NUB1: variants seen among roughly 807,000 people sequenced by gnomAD.
The protein encoded by NUB1 is negative regulator of ubiquitin like proteins 1.
A neutral mutation model predicts 77.1 loss-of-function variants in NUB1; 41 were observed. The observed-to-expected ratio is 0.53, with a 90% confidence interval of 0.41 to 0.69. The LOEUF is 0.69. Among genes scored for constraint, NUB1 ranks in the 30% least tolerant of loss-of-function variants. The pLI, the probability that NUB1 is intolerant of heterozygous loss-of-function variation, is 0.00. For missense variants in NUB1, 643 were observed against 743.8 expected (o/e 0.86, Z 1.58); for synonymous variants, 257 against 281.0 (o/e 0.91, Z 0.85).
Position 151,367,133 on chromosome 7 carries a change from C to A in NUB1, c.987+8C>A. The A allele has an allele frequency of 6.2e-7, 1 of 1,604,532 alleles. No homozygotes were observed. The highest frequency in any genetic ancestry group is 8.5e-7 in the Non-Finnish European group (1 of 1,173,332). On this transcript the variant is annotated splice_region_variant and intron_variant, in intron 9 of 14. Coordinates refer to ENST00000568733, the MANE Select transcript of NUB1 (RefSeq NM_001243351.2). ...AGACTGGTCCACATAAAAGTATGTT[C>A]CTGGAATTCATCTTATGTCTCGTTG... is the stretch of plus-strand genomic sequence containing the variant.
intron 5 of NUB1, among the ~76,000 whole-genome samples, chr7:151,353,516 C>A (rs992484331): frequency 2.0e-5 from 3 of 152,170 alleles, no homozygotes; most frequent in African/African-American, 7.2e-5. Flanking sequence ...GGCCCCACAA[C>A]AAAGACTTGT....
At chr7:151,364,415 C>T (rs1181115490) in intron 8 of NUB1, among the ~76,000 whole-genome samples, 1 of 125,488 alleles carries the variant, frequency 8.0e-6, no homozygotes, top group African/African-American at 2.9e-5. Context: ...AGCGAGACTC[C>T]GTCTCAAAAA....
chr7:151,367,667 T>C (rs1316223810), intron 9 of NUB1, among the ~76,000 whole-genome samples, 194 bp from the exon 10 acceptor site: 1 of 152,200 alleles, frequency 6.6e-6, no homozygotes, highest in Non-Finnish European at 1.5e-5. Flanking sequence ...CTGTGTGGCA[T>C]GAGGAATGTT....
chr7:151,344,718 A>G (rs1796397750), intron 1 of NUB1, among the ~76,000 whole-genome samples: 1 of 150,574 alleles, frequency 6.6e-6, no homozygotes, highest in Non-Finnish European at 1.5e-5. Flanking sequence ...TAGCCAAAGT[A>G]TGAGAGAATT....
chr7:151,355,044 G>C (rs919343038), intron 5 of NUB1, among the ~76,000 whole-genome samples: 2 of 140,772 alleles, frequency 1.4e-5, no homozygotes, highest in African/African-American at 4.9e-5. Flanking sequence ...ACGCCCTGCT[G>C]GTCTTTGCTT....
rs972771972 is a variant in NUB1, at chr7:151,359,634, G to A, written c.694-507G>A. ...CTCTACTAAAAATACGAAATTAGCC[G>A]GGCATGGTGGCTCATGCCTGTAGTC... is the stretch of plus-strand genomic sequence containing the variant. On this transcript the variant is annotated intron_variant, in intron 7 of 14. Transcript: ENST00000568733. 6.6e-5 allele frequency among the ~76,000 whole-genome samples: 10 copies of A among 150,666 alleles called. 1 individual carries two copies. The highest frequency in any genetic ancestry group is 6.6e-4 in the Admixed American group (10 of 15,196).
At chr7:151,351,315 C>A in intron 3 of NUB1, 109 bp from the exon 4 acceptor site, 1 of 828,328 alleles carries the variant, frequency 1.2e-6, no homozygotes, top group Non-Finnish European at 2.0e-6. Flanking sequence ...TAGTTTTTAA[C>A]AGTGAACTCA....
chr7:151,374,944 G>A (rs1042173606), intron 12 of NUB1, among the ~76,000 whole-genome samples: 1 of 151,582 alleles, frequency 6.6e-6, no homozygotes, highest in African/African-American at 2.4e-5. Flanking sequence ...CAGCAGTCCA[G>A]ACAGATGCTG....
intron 1 of NUB1, among the ~76,000 whole-genome samples, 167 bp from the exon 2 acceptor site, chr7:151,345,181 T>A (rs1306638224): frequency 1.3e-5 from 2 of 151,778 alleles, no homozygotes; most frequent in Non-Finnish European, 2.9e-5. Flanking sequence ...TATATTTCTA[T>A]ATATATTTTT....
chr7:151,349,885 G>A (rs867490242), intron 3 of NUB1, among the ~76,000 whole-genome samples: 2 of 152,122 alleles, frequency 1.3e-5, no homozygotes, highest in Non-Finnish European at 2.9e-5. Flanking sequence ...AGTTGGGCCC[G>A]GAGGACCACT....
chr7:151,376,517 A>T, intron 13 of NUB1, 117 bp from the exon 14 acceptor site: 1 of 950,668 alleles, frequency 1.1e-6, no homozygotes, highest in Non-Finnish European at 1.5e-6. Context: ...ACAAAGGGCC[A>T]TGGTGCACAC....
At chr7:151,359,897 T>C (rs1797289803) in intron 7 of NUB1, among the ~76,000 whole-genome samples, 1 of 152,234 alleles carries the variant, frequency 6.6e-6, no homozygotes, top group African/African-American at 2.4e-5. Context: ...AATAAACTAA[T>C]GAAAGCAAAG....
At chr7:151,371,915 C>T (rs1797977514) in intron 11 of NUB1, among the ~76,000 whole-genome samples, 1 of 152,194 alleles carries the variant, frequency 6.6e-6, no homozygotes, top group South Asian at 2.1e-4. Context: ...CCATGTTGCC[C>T]AGGCCAGTCT....
chr7:151,342,114 T>C (rs1236023617), intron 1 of NUB1: 12 of 444,232 alleles, frequency 2.7e-5, no homozygotes, highest in Non-Finnish European at 4.4e-5. Flanking sequence ...ATATTGAGTG[T>C]ATCGGTTTGG....
In NUB1 at chr7:151,375,956, C is replaced by A; in HGVS notation, c.1491+13C>A. On this transcript the variant is annotated intron_variant, in intron 13 of 14. Coordinates refer to ENST00000568733, the MANE Select transcript of NUB1 (RefSeq NM_001243351.2). Reference sequence around the variant, plus strand: ...AAACATTGACCGAGTGAGTGACAGGCCTTTGTGCCCTCAGCTTGGACAGCC... The same window carrying A: ...AAACATTGACCGAGTGAGTGACAGGACTTTGTGCCCTCAGCTTGGACAGCC... 1.3e-6 allele frequency: 2 copies of A among 1,561,710 alleles called. No individual in the cohort carries two copies. Among genetic ancestry groups the A allele is most frequent in the Non-Finnish European group, 1.8e-6 (2 of 1,132,626 alleles).
At chr7:151,359,282 C>CA (rs59555540) in intron 7 of NUB1, among the ~76,000 whole-genome samples, 17,845 of 131,990 alleles carry the variant, frequency 0.14, 1,660 homozygotes, top group African/African-American at 0.29. Flanking sequence ...ACTAAAAATA[C>CA]AAAAAAAAAA....
At chr7:151,352,040 C>A (rs543194807) in intron 4 of NUB1, 3 of 454,882 alleles carry the variant, frequency 6.6e-6, no homozygotes, top group Middle Eastern at 3.2e-4. Flanking sequence ...GGCTAGCTAG[C>A]GGGTGTATTT....
Position 151,376,568 on chromosome 7 carries a change from A to G in NUB1, c.1492-66A>G, listed in dbSNP as rs143697076. 3,463 of 1,456,738 alleles carry G rather than the reference A, an allele frequency of 2.4e-3. 62 individuals are homozygous for G. In the African/African-American group the frequency reaches 0.044, roughly 18 times the overall value. 90.2% of individuals were successfully genotyped at this position (1,456,738 alleles called of 1,614,324 possible). Reference sequence around the variant, plus strand: ...ACATGAGAGTCGGCTGTCCACTCGTATGGCTGACGGGGGTGGCAGAAGAGG... The same window carrying G: ...ACATGAGAGTCGGCTGTCCACTCGTGTGGCTGACGGGGGTGGCAGAAGAGG... On this transcript the variant is annotated intron_variant, in intron 13 of 14. Transcript: ENST00000568733.
intron 8 of NUB1, among the ~76,000 whole-genome samples, chr7:151,366,055 T>G (rs1309369079): frequency 6.6e-6 from 1 of 152,228 alleles, no homozygotes; most frequent in South Asian, 2.1e-4. Flanking sequence ...AATGTTCTTA[T>G]TGAAGACTTG....
Sources: allele counts gnomAD v4.1 joint callset (sites outside exome capture counted in the v4.1 genomes callset), GRCh38; gene constraint gnomAD v4.1.1; transcripts MANE v1.5; gene names NCBI Gene and HGNC (gene_info 2026-07-23, HGNC 2026-07-21).